The following SMAD6 variants were observed in gnomAD, a reference collection of about 807,000 sequenced individuals.
SMAD6 encodes the protein SMAD family member 6.
Under a neutral mutation model 39.4 loss-of-function variants are expected in SMAD6, and 103 were observed. The observed-to-expected ratio is 2.62, with a 90% CI of 2.23 to 3.08. The LOEUF (loss-of-function observed/expected upper bound fraction) is 3.08, where lower values mean the gene tolerates loss of function less well. Among genes scored for constraint, SMAD6 ranks in the 30% most tolerant of loss-of-function variants. The pLI is 0.00. For synonymous variants in SMAD6, 445 were observed against 353.3 expected (o/e 1.26, Z -2.91); for missense variants, 1,104 against 742.9 (o/e 1.49, Z -5.65).
chr15:66,703,479 A>C lies in SMAD6; in HGVS notation c.221A>C (p.Gln74Pro). The C allele has an allele frequency of 2.4e-6, 3 of 1,239,032 alleles. No homozygotes were observed. The highest frequency in any genetic ancestry group is 3.0e-6 in the Non-Finnish European group (3 of 987,324). 76.8% of individuals were successfully genotyped at this position (1,239,032 alleles called of 1,614,324 possible). Residue 74 changes from glutamine to proline, a missense_variant, in exon 1 of 4, where the codon CAG becomes CCG. Gln to Pro is a moderately conservative substitution (Grantham distance 76, BLOSUM62 -1). Transcript: ENST00000288840. ...APRRPRDAVG[Q>P]RGAQGAGRRR... ...CGGCGGCCCCGGGACGCAGTGGGAC[A>C]GCGAGGCGCCCAGGGCGCGGGGAGG...
At chr15:66,769,627 G>A (rs2140668090) in intron 3 of SMAD6, among the ~76,000 whole-genome samples, 1 of 152,304 alleles carries the variant, frequency 6.6e-6, no homozygotes, top group Non-Finnish European at 1.5e-5. Context: ...CAGTGTGGGT[G>A]CCTGTTCCTG....
At chr15:66,774,021 T>C (rs1270046153) in intron 3 of SMAD6, among the ~76,000 whole-genome samples, 1 of 152,052 alleles carries the variant, frequency 6.6e-6, no homozygotes, top group Non-Finnish European at 1.5e-5. Context: ...GACCGCCTGC[T>C]CCCCTGCTGA....
chr15:66,718,683 C>G (rs570617326), intron 3 of SMAD6, among the ~76,000 whole-genome samples: 2 of 152,258 alleles, frequency 1.3e-5, no homozygotes, highest in East Asian at 3.9e-4. Flanking sequence ...TTAGCTTTTC[C>G]AGCTTGCTCT....
chr15:66,707,170 A>G (rs754383393), intron 1 of SMAD6: 6 of 152,158 alleles, frequency 3.9e-5, no homozygotes, highest in Admixed American at 1.3e-4. Flanking sequence ...GTGGACGGAA[A>G]TGTGGAGAAA....
At chr15:66,715,622 G>A (rs1411169839) in intron 2 of SMAD6, among the ~76,000 whole-genome samples, 1 of 152,198 alleles carries the variant, frequency 6.6e-6, no homozygotes, top group Non-Finnish European at 1.5e-5. Flanking sequence ...TTCCAAGTCG[G>A]CCTGTCCCAA....
rs1410638809 is a variant in SMAD6, at chr15:66,781,192, C to T, written c.1148C>T (p.Thr383Met). The T allele has an allele frequency of 1.9e-6, 3 of 1,608,028 alleles. No homozygotes were observed. Among genetic ancestry groups the T allele is most frequent in the Non-Finnish European group, 2.5e-6 (3 of 1,179,704 alleles). ...CAGCGCAGCGAGTCGGTGCGGCGAA[C>T]GCGCAGCAAGATCGGCTTCGGCATC... ...LEQRSESVRR[T>M]RSKIGFGILL... Residue 383 changes from threonine (T) to methionine (M), a missense_variant, in exon 4 of 4, where the codon ACG becomes ATG. Coordinates refer to ENST00000288840, the MANE Select transcript of SMAD6 (RefSeq NM_005585.5).
rs1893039406 is a variant in SMAD6 at position 66,703,811 on chromosome 15, G to C, written c.553G>C (p.Glu185Gln). 5.6e-6 allele frequency: 8 copies of C among 1,431,610 alleles called. No homozygotes were observed. Among genetic ancestry groups the C allele is most frequent in the Non-Finnish European group, 7.4e-6 (8 of 1,081,626 alleles). The allele number at this position is 1,431,610 out of a possible 1,614,324, so 88.7% of individuals were successfully genotyped here. ...GTACTCGCTGCTGAAGCGGCTCAAG[G>C]AGCGCTCGCTGGACACGCTGCTGGA... ...VTYSLLKRLK[E>Q]RSLDTLLEAV... Residue 185 changes from glutamate to glutamine, a missense_variant, in exon 1 of 4, where the codon GAG becomes CAG. Transcript: ENST00000288840.
At chr15:66,735,921 G>A (rs879800958) in intron 3 of SMAD6, among the ~76,000 whole-genome samples, 19 of 152,246 alleles carry the variant, frequency 1.2e-4, no homozygotes, top group Admixed American at 6.5e-5. Flanking sequence ...GAGGCGAAGA[G>A]GACCTGGACA....
chr15:66,763,031 G>A (rs927699901), intron 3 of SMAD6, among the ~76,000 whole-genome samples: 2 of 151,998 alleles, frequency 1.3e-5, no homozygotes, highest in Non-Finnish European at 2.9e-5. Flanking sequence ...CTTCCTTCAC[G>A]CAGTGGGTAC....
intron 1 of SMAD6, among the ~76,000 whole-genome samples, chr15:66,711,343 C>T (rs904781215): frequency 7.9e-5 from 12 of 152,182 alleles, no homozygotes; most frequent in Non-Finnish European, 1.5e-4. Context: ...AAGCATTTTA[C>T]ATACATTATC....
At chr15:66,708,649 T>C (rs1414962306) in intron 1 of SMAD6, 1 of 455,480 alleles carries the variant, frequency 2.2e-6, no homozygotes, top group Non-Finnish European at 4.7e-6. Context: ...TCGATGACTT[T>C]GTGCCACATG....
At chr15:66,766,234 G>A (rs934490482) in intron 3 of SMAD6, among the ~76,000 whole-genome samples, 5 of 151,890 alleles carry the variant, frequency 3.3e-5, no homozygotes, top group African/African-American at 1.2e-4. Context: ...CGCCAGCCTC[G>A]TAGAGGAGGT....
In SMAD6 at chr15:66,704,070, G is replaced by C. The variant is rs1893053098; in HGVS notation, c.812G>C (p.Gly271Ala). ...CCCTACCACTTCAGCCGGCTCTGCG[G>C]GCCCGGTGAGCGCGCTGCGCCGGCC... Reference protein sequence around the residue: ...CNPYHFSRLCGPESPPPPYSR... With the variant: ...CNPYHFSRLCAPESPPPPYSR... The change falls in exon 1 of 4, where the codon GGG becomes GCG. Residue 271 changes from glycine (G) to alanine (A), a missense_variant. Physicochemically the swap from Gly to Ala is moderately conservative, Grantham distance 60. Transcript: ENST00000288840. The C allele has an allele frequency of 6.7e-7, 1 of 1,485,422 alleles. No homozygotes were observed. The allele number at this position is 1,485,422 out of a possible 1,614,324, so 92.0% of individuals were successfully genotyped here.
chr15:66,713,740 C>T (rs1893276021), intron 2 of SMAD6, among the ~76,000 whole-genome samples: 1 of 152,208 alleles, frequency 6.6e-6, no homozygotes, highest in South Asian at 2.1e-4. Flanking sequence ...GTGACCTTCT[C>T]AGGCTGGGTG....
At chr15:66,711,803 CAGGGCTGGAGGGCTGG>C (rs572798014) in intron 2 of SMAD6, 79 bp downstream of exon 2, 17 of 1,224,672 alleles carry the variant, frequency 1.4e-5, no homozygotes, top group Non-Finnish European at 2.1e-5. Context: ...TGTCCAGCCT[CAGGGCTGGAGGGCTGG>C]AGGGCTGGAG....
chr15:66,724,239 T>C (rs1893482575), intron 3 of SMAD6, among the ~76,000 whole-genome samples: 1 of 152,164 alleles, frequency 6.6e-6, no homozygotes, highest in African/African-American at 2.4e-5. Flanking sequence ...AAGGACCTCA[T>C]CTGGCTTCTA....
intron 3 of SMAD6, among the ~76,000 whole-genome samples, chr15:66,760,394 C>T (rs560506365): frequency 6.6e-6 from 1 of 152,328 alleles, no homozygotes; most frequent in South Asian, 2.1e-4. Flanking sequence ...CAGAGCAGAA[C>T]AGTCAGAAAC....
rs1893924537 is a variant in SMAD6 at position 66,747,320 on chromosome 15, T to C, written c.952+30822T>C. ...TTCCCACCACACCTGCCCTTCCCCA[T>C]GAGCGCCTTACCTGCCGGTGCTAAG... is the stretch of plus-strand genomic sequence containing the variant. On this transcript the variant is annotated intron_variant, in intron 3 of 3. Transcript: ENST00000288840. This position sits in a 1 kb window ranked among gnomAD's most constrained non-coding sequence, Gnocchi z 4.5. Among the ~76,000 whole-genome samples the C allele has an allele frequency of 6.6e-6, 1 of 152,230 alleles. No individual in the cohort carries two copies. The highest frequency in any genetic ancestry group is 2.4e-5 in the African/African-American group (1 of 41,470).
At chr15:66,709,678 G>C (rs1893189708) in intron 1 of SMAD6, among the ~76,000 whole-genome samples, 1 of 152,194 alleles carries the variant, frequency 6.6e-6, no homozygotes, top group African/African-American at 2.4e-5. Context: ...TCATGGGGGT[G>C]GTGGAAAGGG....
Sources: gnomAD v4.1 joint callset for allele counts (sites outside exome capture counted in the v4.1 genomes callset) on GRCh38, gnomAD v4.1.1 for gene constraint, Gnocchi (gnomAD v3.1) non-coding constraint, MANE v1.5 for transcripts, NCBI Gene and HGNC (gene_info 2026-07-23, HGNC 2026-07-21) for gene names.